Variants in HK1 observed in about 807,000 individuals in gnomAD.
HK1 encodes hexokinase 1, also known as hexokinase-1.
Under a neutral mutation model 91.6 loss-of-function variants are expected in HK1, and 28 were observed. The ratio of observed to expected loss-of-function variants is 0.31; its 90% CI spans 0.23 to 0.42. The LOEUF (loss-of-function observed/expected upper bound fraction) is 0.42. Among genes scored for constraint, HK1 ranks in the 10% least tolerant of loss-of-function variants. The pLI is 1.00. For synonymous variants in HK1, 430 were observed against 468.1 expected (o/e 0.92, Z 1.05); for missense variants, 770 against 1,219.8 (o/e 0.63, Z 5.49).
At chr10:69,364,191 G>C (rs998842388) in intron 3 of HK1, among the ~76,000 whole-genome samples, 5 of 152,196 alleles carry the variant, frequency 3.3e-5, no homozygotes, top group African/African-American at 4.8e-5. Flanking sequence ...TCTCCATCTG[G>C]GTGCTGGTTA....
chr10:69,314,265 C>T (rs934358335), upstream of HK1, among the ~76,000 whole-genome samples: 1 of 152,212 alleles, frequency 6.6e-6, no homozygotes, highest in Non-Finnish European at 1.5e-5. Flanking sequence ...TTCCTGGCAG[C>T]ACCTGAGTTT....
At chr10:69,306,384 A>T (rs531194110) in intron 5 of HK1, among the ~76,000 whole-genome samples, 36 of 151,564 alleles carry the variant, frequency 2.4e-4, no homozygotes, top group Admixed American at 2.1e-3. Context: ...AATAAAATAA[A>T]AAATAAATAA....
chr10:69,355,790 C>T (rs1849096823), intron 2 of HK1, among the ~76,000 whole-genome samples: 1 of 151,798 alleles, frequency 6.6e-6, no homozygotes, highest in South Asian at 2.1e-4. Flanking sequence ...GCCTGGGTAA[C>T]AGAGTGAGAC....
chr10:69,319,292 C>T, intron 1 of HK1: 1 of 551,772 alleles, frequency 1.8e-6, no homozygotes, highest in Admixed American at 3.1e-5. Context: ...TCAGATAGGC[C>T]CCCGGGCTGT....
At chr10:69,318,411 C>T (rs991417103), upstream of HK1, among the ~76,000 whole-genome samples, 2 of 152,202 alleles carry the variant, frequency 1.3e-5, no homozygotes, top group South Asian at 2.1e-4. Context: ...AGGAATGGGA[C>T]CGCCTTCGTG....
intron 5 of HK1, chr10:69,301,013 G>A (rs1409343376): frequency 5.7e-5 from 31 of 542,118 alleles, no homozygotes; most frequent in Middle Eastern, 4.1e-4. Flanking sequence ...GGGAGGCTGA[G>A]GCAGGTGGAT....
chr10:69,313,231 A>G (rs558466904), upstream of HK1, among the ~76,000 whole-genome samples: 3 of 152,286 alleles, frequency 2.0e-5, no homozygotes, highest in South Asian at 6.2e-4. Context: ...AATGCCTTAC[A>G]GGCGCCAGTC....
intron 7 of HK1, among the ~76,000 whole-genome samples, chr10:69,376,702 C>T (rs1839128295): frequency 6.6e-6 from 1 of 152,178 alleles, no homozygotes; most frequent in East Asian, 1.9e-4. Flanking sequence ...ATGGTGTTCT[C>T]CTAGTCACAG....
upstream of HK1, among the ~76,000 whole-genome samples, chr10:69,315,269 T>C (rs1029035667): frequency 6.6e-6 from 1 of 152,208 alleles, no homozygotes; most frequent in African/African-American, 2.4e-5. Context: ...ACAGCTGTTA[T>C]CTGTTGGAGA....
intron 1 of HK1, among the ~76,000 whole-genome samples, chr10:69,279,639 C>T (rs745384213): frequency 1.1e-4 from 17 of 152,088 alleles, no homozygotes; most frequent in Non-Finnish European, 1.9e-4. Context: ...TATTTAGTAC[C>T]CATAACAAGC....
chr10:69,359,911 A>T lies in HK1; in HGVS notation c.241A>T (p.Ile81Phe), dbSNP rs1379574647. The change falls in exon 3 of 18, where the codon ATT (isoleucine) becomes TTT (phenylalanine). Residue 81 changes from isoleucine to phenylalanine, a missense_variant. Physicochemically the swap from Ile to Phe is conservative, Grantham distance 21. Coordinates refer to ENST00000359426, the MANE Select transcript of HK1 (RefSeq NM_000188.3). ...TCCCTAAACAGAAAAGGGAGATTTC[A>T]TTGCCCTGGATCTTGGTGGGTCTTC... ...IPDGSEKGDFIALDLGGSSFR... is the reference protein window; with the variant it reads ...IPDGSEKGDFFALDLGGSSFR... 1 of 1,613,956 alleles carries T rather than the reference A, an allele frequency of 6.2e-7. No individual in the cohort carries two copies. The highest frequency in any genetic ancestry group is 8.5e-7 in the Non-Finnish European group (1 of 1,179,978).
chr10:69,389,368 C>A, intron 14 of HK1, 72 bp downstream of exon 14: 1 of 1,116,746 alleles, frequency 9.0e-7, no homozygotes, highest in Non-Finnish European at 1.3e-6. Flanking sequence ...GGGGCCTTGG[C>A]CCAGCAGCTT....
At chr10:69,297,282 T>A (rs1845612609) in intron 4 of HK1, among the ~76,000 whole-genome samples, 1 of 152,170 alleles carries the variant, frequency 6.6e-6, no homozygotes, top group Admixed American at 6.6e-5. Context: ...TGGGAGTGGA[T>A]CACCATGAAG....
At chr10:69,285,580 T>A (rs1230165133) in intron 2 of HK1, among the ~76,000 whole-genome samples, 1 of 152,124 alleles carries the variant, frequency 6.6e-6, no homozygotes, top group East Asian at 1.9e-4. Context: ...AGCATCAAAT[T>A]TGAAGCTGTG....
At chr10:69,275,916 C>T (rs1844412871) in intron 1 of HK1, among the ~76,000 whole-genome samples, 1 of 150,590 alleles carries the variant, frequency 6.6e-6, no homozygotes, top group Admixed American at 6.6e-5. Flanking sequence ...TAGTGAAATC[C>T]TGTCTCTACT....
upstream of HK1, among the ~76,000 whole-genome samples, chr10:69,313,222 A>G (rs1002990281): frequency 6.6e-6 from 1 of 152,174 alleles, no homozygotes; most frequent in Non-Finnish European, 1.5e-5. Flanking sequence ...GAAAATGTCA[A>G]TGCCTTACAG....
At chr10:69,358,709 A>G (rs1441077008) in intron 2 of HK1, among the ~76,000 whole-genome samples, 1 of 152,170 alleles carries the variant, frequency 6.6e-6, no homozygotes, top group Non-Finnish European at 1.5e-5. Context: ...TAAAAATAAA[A>G]AAAATTAGCC....
rs1484556892 is a variant in HK1, at chr10:69,369,595, C to T, written c.846C>T (p.Asp282=). 1 of 1,614,044 alleles carries T rather than the reference C, an allele frequency of 6.2e-7. No individual in the cohort carries two copies. The highest frequency in any genetic ancestry group is 1.3e-5 in the African/African-American group (1 of 74,924). ...DIRTEFDREI[D]RGSLNPGKQL... is the part of the protein sequence containing the mutation. Reference sequence around the variant, plus strand: ...GGACAGAGTTTGACAGGGAGATAGACCGGGGATCCCTCAACCCTGGAAAAC... The same window carrying T: ...GGACAGAGTTTGACAGGGAGATAGATCGGGGATCCCTCAACCCTGGAAAAC... Residue 282 remains aspartate, a synonymous_variant, in exon 7 of 18, where the codon GAC becomes GAT. Coordinates refer to ENST00000359426, the MANE Select transcript of HK1 (RefSeq NM_000188.3). The surrounding 1 kb of genome is among the most constrained non-coding windows in gnomAD (Gnocchi z 4.4).
At chr10:69,315,269 T>A (rs1029035667), upstream of HK1, among the ~76,000 whole-genome samples, 4 of 152,208 alleles carry the variant, frequency 2.6e-5, no homozygotes, top group Non-Finnish European at 2.9e-5. Context: ...ACAGCTGTTA[T>A]CTGTTGGAGA....
Sources: gnomAD v4.1 joint callset for allele counts (sites outside exome capture counted in the v4.1 genomes callset) on GRCh38, gnomAD v4.1.1 for gene constraint, Gnocchi (gnomAD v3.1) non-coding constraint, MANE v1.5 for transcripts, NCBI Gene and HGNC (gene_info 2026-07-23, HGNC 2026-07-21) for gene names.